RNF32: variants seen among roughly 807,000 people sequenced by gnomAD.
RNF32 encodes the protein ring finger protein 32.
In RNF32, 36 loss-of-function variants were observed where a neutral mutation model predicts 41.0. The ratio of observed to expected loss-of-function variants is 0.88; its 90% CI spans 0.67 to 1.16. The LOEUF is 1.16. Ranked by LOEUF, RNF32 falls within the 50% of genes most tolerant of loss-of-function variation. The pLI is 0.00. For missense variants in RNF32, 413 were observed against 436.7 expected (o/e 0.95, Z 0.48); for synonymous variants, 154 against 160.9 (o/e 0.96, Z 0.32).
chr7:156,675,579 T>G, intron 7 of RNF32, 117 bp from the exon 8 acceptor site: 2 of 768,116 alleles, frequency 2.6e-6, no homozygotes. Flanking sequence ...CTAAAAAGTA[T>G]TATTCGAAGA....
At chr7:156,657,219 C>G (rs1037027916) in intron 4 of RNF32, among the ~76,000 whole-genome samples, 5 of 152,180 alleles carry the variant, frequency 3.3e-5, no homozygotes, top group Non-Finnish European at 7.3e-5. Flanking sequence ...CCTCCTCACC[C>G]CTCCAGTTTG....
rs758687820 is a variant in RNF32, at chr7:156,670,164, G to A, written c.685-5532G>A. Among the ~76,000 whole-genome samples the A allele has an allele frequency of 2.6e-5, 4 of 152,172 alleles. No homozygotes were observed. Among genetic ancestry groups the A allele is most frequent in the Non-Finnish European group, 5.9e-5 (4 of 68,034 alleles). ...AAATATTAGAGCATTTAAGTCATAC[G>A]TGGAATCACCAAAAGCACACAATTC... On this transcript the variant is annotated intron_variant, in intron 7 of 8. Transcript: ENST00000317955. This position sits in a 1 kb window ranked among gnomAD's most constrained non-coding sequence, Gnocchi z 4.3.
At chr7:156,674,452 C>T (rs1311683880) in intron 7 of RNF32, among the ~76,000 whole-genome samples, 1 of 152,228 alleles carries the variant, frequency 6.6e-6, no homozygotes, top group Non-Finnish European at 1.5e-5. Context: ...CTTTTACACA[C>T]CTTATTCTCC....
chr7:156,654,545 C>CT lies in RNF32; in HGVS notation c.275-30dup, dbSNP rs1408078911. Reference sequence around the variant, plus strand: ...TGGGTGCCATATGCTAAAAGACACTCTAACTCCTGTCCTGTGCTGTCTTAC... The same window carrying CT: ...TGGGTGCCATATGCTAAAAGACACTCTTAACTCCTGTCCTGTGCTGTCTTAC... On this transcript the variant is annotated intron_variant, in intron 3 of 8. Transcript: ENST00000317955. 9 of 1,578,654 alleles carry CT rather than the reference C, an allele frequency of 5.7e-6. No homozygotes were observed. The South Asian group carries it at 5.8e-5, about 10-fold the overall frequency.
In RNF32 at chr7:156,675,840, G is replaced by A; in HGVS notation, c.829G>A (p.Glu277Lys). The A allele has an allele frequency of 1.9e-6, 3 of 1,613,928 alleles. No individual in the cohort carries two copies. Among genetic ancestry groups the A allele is most frequent in the Non-Finnish European group, 2.5e-6 (3 of 1,179,872 alleles). The change falls in exon 8 of 9, where the codon GAA becomes AAA. Residue 277 changes from glutamate (E) to lysine (K), a missense_variant. Physicochemically the swap from Glu to Lys is moderately conservative, Grantham distance 56 (BLOSUM62 1). Coordinates refer to ENST00000317955, the MANE Select transcript of RNF32 (RefSeq NM_030936.4). ...EKCGHEITEE[E>K]WEKIQVQALR... ...ATGTGGCCATGAGATCACAGAAGAG[G>A]AATGGGAGAAAATCCAAGTGCAGGT...
intron 3 of RNF32, among the ~76,000 whole-genome samples, chr7:156,648,447 T>C (rs970267171): frequency 6.6e-6 from 1 of 152,206 alleles, no homozygotes; most frequent in African/African-American, 2.4e-5. Flanking sequence ...GTTGTACCTG[T>C]ATGGTTTATG....
At chr7:156,664,908 G>A (rs935077465) in intron 7 of RNF32, among the ~76,000 whole-genome samples, 23 of 152,112 alleles carry the variant, frequency 1.5e-4, no homozygotes, top group African/African-American at 5.6e-4. Flanking sequence ...ATATGTTTCA[G>A]TAAAAAAGAG....
Position 156,669,518 on chromosome 7 carries a change from G to A in RNF32, c.685-6178G>A, listed in dbSNP as rs1055675950. Among the ~76,000 whole-genome samples the A allele has an allele frequency of 2.0e-5, 3 of 152,172 alleles. No homozygotes were observed. Among genetic ancestry groups the A allele is most frequent in the Non-Finnish European group, 4.4e-5 (3 of 68,026 alleles). On this transcript the variant is annotated intron_variant, in intron 7 of 8. Transcript: ENST00000317955. The surrounding 1 kb of genome is among the most constrained non-coding windows in gnomAD (Gnocchi z 4.2). The stretch of plus-strand genomic sequence containing the variant: ...CACGGCTTAGCATGTGGGAGGGGCA[G>A]GCTGGCAGAGTGTGAGCCGCTGGGC...
chr7:156,647,098 C>T (rs551095648), intron 3 of RNF32, among the ~76,000 whole-genome samples: 54 of 152,234 alleles, frequency 3.5e-4, no homozygotes, highest in South Asian at 2.7e-3. Context: ...GTAATCCACC[C>T]GCCTCAGCCT....
At position 156,646,273 on chromosome 7, in the gene RNF32, G is replaced by A. The variant is rs756797015; in HGVS notation, c.274+1516G>A. Among the ~76,000 whole-genome samples the A allele has an allele frequency of 2.0e-5, 3 of 152,198 alleles. No homozygotes were observed. In the East Asian group the frequency reaches 5.8e-4, roughly 29 times the overall value. On this transcript the variant is annotated intron_variant, in intron 3 of 8. Coordinates refer to ENST00000317955, the MANE Select transcript of RNF32 (RefSeq NM_030936.4). ...AGAAATGTATTCTCTCAGTGTCCTG[G>A]AGGCCAGAAGTCCAAAATGGCGCTG... is the stretch of plus-strand genomic sequence containing the variant.
chr7:156,657,277 G>A (rs1032405694), intron 4 of RNF32, among the ~76,000 whole-genome samples: 3 of 151,996 alleles, frequency 2.0e-5, no homozygotes, highest in South Asian at 2.1e-4. Flanking sequence ...TCATTGTTTC[G>A]CTCTTAAGTA....
upstream of RNF32, chr7:156,640,445 C>T: frequency 2.6e-6 from 1 of 379,976 alleles, no homozygotes; most frequent in Non-Finnish European, 5.1e-6. Flanking sequence ...TGGGCGCCTG[C>T]ACGCCCCCGT....
intron 7 of RNF32, among the ~76,000 whole-genome samples, chr7:156,664,388 G>A (rs920372572): frequency 2.0e-5 from 3 of 152,174 alleles, no homozygotes; most frequent in Non-Finnish European, 4.4e-5. Context: ...TTGCACCCGG[G>A]AGGCAGAGGT....
rs1413964831 is a variant in RNF32, at chr7:156,659,739, CT to C, written c.684+1170del. 1.9e-5 allele frequency: 14 copies of C among 731,054 alleles called. No individual in the cohort carries two copies. In the Admixed American group the frequency reaches 8.8e-4, roughly 46 times the overall value. 45.3% of individuals were successfully genotyped at this position (731,054 alleles called of 1,614,324 possible). On this transcript the variant is annotated intron_variant, in intron 7 of 8. Transcript: ENST00000317955. ...ACTGGACGAGAACTGGCCCAGGTTGCTGGAAACAAGTGAAGCAACCATTACA... is the reference window on the plus strand; with the variant it reads ...ACTGGACGAGAACTGGCCCAGGTTGCGGAAACAAGTGAAGCAACCATTACA...
chr7:156,643,917 A>G, intron 2 of RNF32, 25 bp downstream of exon 2: 1 of 1,590,974 alleles, frequency 6.3e-7, no homozygotes, highest in Non-Finnish European at 8.6e-7. Flanking sequence ...TCTTAAACAT[A>G]CACGTTATTT....
chr7:156,675,804 T>A lies in RNF32; in HGVS notation c.793T>A (p.Leu265Met). ...CATAAATCGAAGTGTTCTTCAGCAGTTGGAAGAAAAATGTGGCCATGAGAT... is the reference window on the plus strand; with the variant it reads ...CATAAATCGAAGTGTTCTTCAGCAGATGGAAGAAAAATGTGGCCATGAGAT... ...LAINRSVLQQ[L>M]EEKCGHEITE... The change falls in exon 8 of 9, where the codon TTG becomes ATG. Residue 265 changes from leucine (L) to methionine (M), a missense_variant. By Grantham distance (15) the Leu-to-Met change is conservative. Transcript: ENST00000317955. 1 of 1,614,008 alleles carries A rather than the reference T, an allele frequency of 6.2e-7. No homozygotes were observed. Among genetic ancestry groups the A allele is most frequent in the Non-Finnish European group, 8.5e-7 (1 of 1,179,970 alleles).
intron 6 of RNF32, 23 bp from the exon 7 acceptor site, chr7:156,658,439 A>G: frequency 1.3e-6 from 2 of 1,584,342 alleles, no homozygotes; most frequent in Non-Finnish European, 1.7e-6. Flanking sequence ...TAAATTAGTC[A>G]TTTTCAAATA....
At chr7:156,665,345 C>T (rs571362182) in intron 7 of RNF32, among the ~76,000 whole-genome samples, 3 of 152,186 alleles carry the variant, frequency 2.0e-5, no homozygotes, top group African/African-American at 4.8e-5. Context: ...CACCTCATCA[C>T]CCCTTCCATA....
intron 7 of RNF32, among the ~76,000 whole-genome samples, chr7:156,666,377 C>A (rs1451049104): frequency 6.6e-6 from 1 of 152,172 alleles, no homozygotes; most frequent in Non-Finnish European, 1.5e-5. Flanking sequence ...AAAAGGGACC[C>A]TCTTTCTGTG....
Sources: gnomAD v4.1 joint callset for allele counts (sites outside exome capture counted in the v4.1 genomes callset) on GRCh38, gnomAD v4.1.1 for gene constraint, Gnocchi (gnomAD v3.1) non-coding constraint, MANE v1.5 for transcripts, NCBI Gene and HGNC (gene_info 2026-07-23, HGNC 2026-07-21) for gene names.